Variants in DEPTOR observed in about 807,000 individuals in gnomAD.
DEPTOR encodes the protein DEP domain-containing mTOR-interacting protein.
DEPTOR carries 41 observed loss-of-function variants against 41.6 expected under a neutral mutation model. The ratio of observed to expected loss-of-function variants is 0.98; its 90% CI spans 0.77 to 1.28. The LOEUF (loss-of-function observed/expected upper bound fraction) is 1.28. DEPTOR is among the 50% of genes most tolerant of loss of function. DEPTOR has a pLI of 0.00. For missense variants in DEPTOR, 514 were observed against 527.9 expected (o/e 0.97, Z 0.26); for synonymous variants, 195 against 192.3 (o/e 1.01, Z -0.12).
chr8:120,024,902 G>A (rs1241659884), intron 8 of DEPTOR, among the ~76,000 whole-genome samples: 3 of 152,158 alleles, frequency 2.0e-5, no homozygotes, highest in Admixed American at 2.0e-4. Context: ...TATTAGAAAA[G>A]GGGTCAGGGC....
At chr8:119,904,936 C>T (rs1298458373) in intron 1 of DEPTOR, among the ~76,000 whole-genome samples, 2 of 150,558 alleles carry the variant, frequency 1.3e-5, no homozygotes, top group Admixed American at 6.6e-5. Flanking sequence ...GGACTACAGG[C>T]ACACGCTACC....
At chr8:119,936,006 T>TG (rs906969509) in intron 3 of DEPTOR, among the ~76,000 whole-genome samples, 2 of 151,072 alleles carry the variant, frequency 1.3e-5, no homozygotes, top group African/African-American at 4.9e-5. Context: ...GTTGTTTTTT[T>TG]TTTTTTTTTT....
chr8:119,996,330 G>A lies in DEPTOR; in HGVS notation c.605-5195G>A, dbSNP rs899500836. Among the ~76,000 whole-genome samples, 59 of 152,154 alleles carry A rather than the reference G, an allele frequency of 3.9e-4. 1 individual carries two copies. Among genetic ancestry groups the A allele is most frequent in the Non-Finnish European group, 8.8e-5 (6 of 68,038 alleles). ...GTGATGATAACAGTAAAAAACAACA[G>A]TGGTTGTAAAATAATAAATGTATAA... On this transcript the variant is annotated intron_variant, in intron 4 of 8. Coordinates refer to ENST00000286234, the MANE Select transcript of DEPTOR (RefSeq NM_022783.4).
intron 1 of DEPTOR, among the ~76,000 whole-genome samples, chr8:119,906,545 C>G (rs1279003055): frequency 6.6e-6 from 1 of 152,144 alleles, no homozygotes. Flanking sequence ...TCTTAGGCCC[C>G]TCCTTTATAG....
intron 4 of DEPTOR, among the ~76,000 whole-genome samples, chr8:119,986,864 A>G (rs1828836664): frequency 6.6e-6 from 1 of 150,916 alleles, no homozygotes; most frequent in Non-Finnish European, 1.5e-5. Flanking sequence ...TCATGCTGTG[A>G]TTTTTCAGCT....
At chr8:119,973,097 A>G (rs1328859090) in intron 4 of DEPTOR, among the ~76,000 whole-genome samples, 1 of 151,474 alleles carries the variant, frequency 6.6e-6, no homozygotes, top group East Asian at 1.9e-4. Flanking sequence ...GAGCCACCAC[A>G]CCCGGCTAAT....
chr8:119,874,547 C>T (rs1168969175), intron 1 of DEPTOR: 2 of 152,834 alleles, frequency 1.3e-5, no homozygotes, highest in African/African-American at 4.8e-5. Flanking sequence ...ATTTCTGAAA[C>T]CCTGCACCTA....
intron 8 of DEPTOR, among the ~76,000 whole-genome samples, chr8:120,030,624 A>C (rs2130170069): frequency 6.8e-6 from 1 of 147,706 alleles, no homozygotes; most frequent in South Asian, 2.1e-4. Flanking sequence ...CTCATGCCTC[A>C]GACTCCCCAG....
chr8:120,000,442 ATAAT>A (rs1216156428), intron 4 of DEPTOR, among the ~76,000 whole-genome samples: 1 of 152,026 alleles, frequency 6.6e-6, no homozygotes, highest in East Asian at 1.9e-4. Flanking sequence ...CTGTAAGTCT[ATAAT>A]TATTTCAAAA....
At chr8:119,966,452 G>T (rs1429952235) in intron 4 of DEPTOR, among the ~76,000 whole-genome samples, 1 of 152,204 alleles carries the variant, frequency 6.6e-6, no homozygotes, top group Non-Finnish European at 1.5e-5. Flanking sequence ...TTTGCCCTCT[G>T]AAGGTTTGCT....
At chr8:119,955,826 A>T (rs1287504243) in intron 3 of DEPTOR, among the ~76,000 whole-genome samples, 1 of 152,192 alleles carries the variant, frequency 6.6e-6, no homozygotes, top group Admixed American at 6.5e-5. Flanking sequence ...GTACGTGTTA[A>T]ATAGGTTAAT....
chr8:120,023,801 T>TTTTC (rs1031900090), intron 8 of DEPTOR, among the ~76,000 whole-genome samples: 1 of 17,698 alleles, frequency 5.7e-5, no homozygotes, highest in Non-Finnish European at 1.9e-4. Context: ...ACCTATTTTG[T>TTTTC]TTTTTTTTTT....
chr8:119,946,884 G>A (rs117793212), intron 3 of DEPTOR, among the ~76,000 whole-genome samples: 3,100 of 152,128 alleles, frequency 0.02, 57 homozygotes, highest in Non-Finnish European at 0.027. Context: ...TGTTTCACCT[G>A]CCACCTGATG....
Position 119,929,805 on chromosome 8 carries a change from T to C in DEPTOR, c.302-10T>C, listed in dbSNP as rs755175384. 4.4e-6 allele frequency: 7 copies of C among 1,598,834 alleles called. No individual in the cohort carries two copies. The African/African-American group carries it at 9.4e-5, about 21-fold the overall frequency. ...TTCTCATTTGCTTCTCTGTGCATAT[T>C]GTGTTTCAGTGTGTGATGAGCATAA... On this transcript the variant is annotated splice_polypyrimidine_tract_variant and intron_variant, in intron 2 of 8. Transcript: ENST00000286234.
intron 1 of DEPTOR, 173 bp downstream of exon 1, chr8:119,874,141 C>A: frequency 9.3e-7 from 1 of 1,073,924 alleles, no homozygotes; most frequent in Non-Finnish European, 1.3e-6. Flanking sequence ...GCTGCAGCCT[C>A]GGTCCCTGAG....
At chr8:120,033,939 C>T (rs189723209) in intron 8 of DEPTOR, among the ~76,000 whole-genome samples, 12 of 152,118 alleles carry the variant, frequency 7.9e-5, no homozygotes, top group Middle Eastern at 3.4e-3. Flanking sequence ...GGGTGACTCA[C>T]GCCTGTAATC....
chr8:120,001,172 A>G (rs1812343894), intron 4 of DEPTOR, among the ~76,000 whole-genome samples: 1 of 152,122 alleles, frequency 6.6e-6, no homozygotes, highest in African/African-American at 2.4e-5. Flanking sequence ...CACTGCCCCA[A>G]CAAGCTTAGA....
rs73705884 is a variant in DEPTOR at position 120,019,726 on chromosome 8, A to G, written c.1101+10593A>G. ...CCCTCCTTCGCCACAGTCTGAGTACATGGGCACATCTCAGAGGCATAACCA... is the reference window on the plus strand; with the variant it reads ...CCCTCCTTCGCCACAGTCTGAGTACGTGGGCACATCTCAGAGGCATAACCA... On this transcript the variant is annotated intron_variant, in intron 8 of 8. Transcript: ENST00000286234. 2.9e-3 allele frequency among the ~76,000 whole-genome samples: 446 copies of G among 152,306 alleles called. 3 individuals are homozygous for G. The highest frequency in any genetic ancestry group is 0.01 in the African/African-American group (428 of 41,560).
chr8:119,984,334 G>C (rs1004294384), intron 4 of DEPTOR, among the ~76,000 whole-genome samples: 1 of 151,786 alleles, frequency 6.6e-6, no homozygotes. Flanking sequence ...TTTGTTACAT[G>C]GGTATATACC....
Sources: gnomAD v4.1 joint callset for allele counts (sites outside exome capture counted in the v4.1 genomes callset) on GRCh38, gnomAD v4.1.1 for gene constraint, MANE v1.5 for transcripts, NCBI Gene and HGNC (gene_info 2026-07-23, HGNC 2026-07-21) for gene names.